Variants in SSBP2 observed in about 807,000 individuals in gnomAD.
The protein encoded by SSBP2 is single stranded DNA binding protein 2.
In SSBP2, 17 loss-of-function variants were observed where a neutral mutation model predicts 61.8. The observed-to-expected ratio is 0.28, with a 90% CI of 0.19 to 0.41. SSBP2 has a LOEUF of 0.41. Ranked by LOEUF, SSBP2 falls within the 10% of genes least tolerant of loss-of-function variation. The pLI is 1.00. For synonymous variants in SSBP2, 139 were observed against 141.3 expected, an observed-to-expected ratio of 0.98 and a Z score of 0.12; for missense variants, 310 against 458.7, an observed-to-expected ratio of 0.68 and a Z score of 2.96.
At chr5:81,560,993 C>T (rs1250512369) in intron 4 of SSBP2, among the ~76,000 whole-genome samples, 1 of 152,092 alleles carries the variant, frequency 6.6e-6, no homozygotes, top group Admixed American at 6.5e-5. Flanking sequence ...GTGCTCATGT[C>T]CTACTGCTGC....
At chr5:81,580,825 T>C (rs1774586686) in intron 4 of SSBP2, among the ~76,000 whole-genome samples, 1 of 152,068 alleles carries the variant, frequency 6.6e-6, no homozygotes, top group Non-Finnish European at 1.5e-5. Context: ...CAAATGCTGA[T>C]TTCAAAGTGC....
chr5:81,723,775 CAGACACGGTATAT>C (rs1046811694), intron 1 of SSBP2, among the ~76,000 whole-genome samples: 17 of 152,030 alleles, frequency 1.1e-4, no homozygotes, highest in African/African-American at 3.6e-4. Flanking sequence ...ACTGTTGGAC[CAGACACGGTATAT>C]ATCATTACCA....
chr5:81,662,911 T>C (rs1005859768), intron 1 of SSBP2, among the ~76,000 whole-genome samples: 3 of 152,190 alleles, frequency 2.0e-5, no homozygotes, highest in Admixed American at 2.0e-4. Context: ...ACAGGTATCA[T>C]CTAACAGTAC....
intron 10 of SSBP2, among the ~76,000 whole-genome samples, chr5:81,455,947 A>T (rs932530442): frequency 8.5e-5 from 13 of 152,168 alleles, no homozygotes; most frequent in African/African-American, 2.9e-4. Context: ...TAACTAGAGG[A>T]CTTTCATTTT....
At chr5:81,623,400 A>T (rs2153634079) in intron 3 of SSBP2, among the ~76,000 whole-genome samples, 1 of 142,550 alleles carries the variant, frequency 7.0e-6, no homozygotes, top group Admixed American at 7.6e-5. Context: ...CAGTGGCACG[A>T]TCTCAGCTCA....
chr5:81,504,439 T>C (rs868334192), intron 5 of SSBP2, among the ~76,000 whole-genome samples: 9 of 152,196 alleles, frequency 5.9e-5, no homozygotes, highest in Admixed American at 1.3e-4. Context: ...CAGCTGATGC[T>C]CTACTTTATC....
At position 81,725,305 on chromosome 5, in the gene SSBP2, T is replaced by A. The variant is rs565353585; in HGVS notation, c.62+25676A>T. Among the ~76,000 whole-genome samples, 3 of 152,064 alleles carry A rather than the reference T, an allele frequency of 2.0e-5. No homozygotes were observed. The East Asian group carries it at 5.8e-4, about 29-fold the overall frequency. ...CACTAATAATCAGAGAAATAAAAAT[T>A]TAAATAATATACCACTTTACAAATG... On this transcript the variant is annotated intron_variant, in intron 1 of 16. Transcript: ENST00000320672.
chr5:81,575,057 C>T (rs1416975017), intron 4 of SSBP2, among the ~76,000 whole-genome samples: 2 of 152,070 alleles, frequency 1.3e-5, no homozygotes, highest in Non-Finnish European at 2.9e-5. Context: ...ATCACGAGGT[C>T]GAGAGATCAA....
At chr5:81,712,926 C>A (rs1478726056) in intron 1 of SSBP2, among the ~76,000 whole-genome samples, 1 of 151,678 alleles carries the variant, frequency 6.6e-6, no homozygotes, top group Admixed American at 6.6e-5. Flanking sequence ...CGGAGTTTCA[C>A]CAGCTTGTAC....
intron 1 of SSBP2, among the ~76,000 whole-genome samples, chr5:81,685,872 A>G (rs930273956): frequency 1.4e-4 from 22 of 152,242 alleles, no homozygotes; most frequent in African/African-American, 4.6e-4. Flanking sequence ...TTTAGAAATA[A>G]TGCACAAAGA....
At chr5:81,524,772 C>T (rs752632111) in intron 4 of SSBP2, among the ~76,000 whole-genome samples, 1 of 151,932 alleles carries the variant, frequency 6.6e-6, no homozygotes, top group Non-Finnish European at 1.5e-5. Flanking sequence ...TTTTCCCTTC[C>T]ACAGTTAAGA....
At chr5:81,695,513 C>A (rs919443741) in intron 1 of SSBP2, among the ~76,000 whole-genome samples, 1 of 129,156 alleles carries the variant, frequency 7.7e-6, no homozygotes, top group African/African-American at 2.9e-5. Context: ...CCCCACCCCA[C>A]GACAGGCCCC....
intron 15 of SSBP2, among the ~76,000 whole-genome samples, chr5:81,435,261 A>C (rs768601624): frequency 7.2e-5 from 11 of 152,240 alleles, no homozygotes; most frequent in Admixed American, 1.3e-4. Flanking sequence ...TCTTGAGGGC[A>C]GAGAACATAT....
intron 1 of SSBP2, among the ~76,000 whole-genome samples, chr5:81,654,501 T>C (rs1043290159): frequency 2.6e-5 from 4 of 152,148 alleles, no homozygotes; most frequent in African/African-American, 2.4e-5. Context: ...TACCAAATCA[T>C]GTATTGGATT....
chr5:81,479,130 G>C (rs1765799280), intron 6 of SSBP2, among the ~76,000 whole-genome samples: 1 of 152,176 alleles, frequency 6.6e-6, no homozygotes, highest in South Asian at 2.1e-4. Context: ...TGACCAGATA[G>C]TAGCTTTGCG....
At chr5:81,596,901 A>G (rs1363774441) in intron 4 of SSBP2, among the ~76,000 whole-genome samples, 1 of 149,740 alleles carries the variant, frequency 6.7e-6, no homozygotes, top group African/African-American at 2.5e-5. Context: ...AGAAAACCTA[A>G]GCAATACCAT....
intron 4 of SSBP2, among the ~76,000 whole-genome samples, chr5:81,578,042 T>A (rs1223999471): frequency 6.6e-6 from 1 of 151,934 alleles, no homozygotes; most frequent in Non-Finnish European, 1.5e-5. Flanking sequence ...TTGCCCAAGA[T>A]CAGGAGCTTA....
chr5:81,520,265 G>A lies in SSBP2; in HGVS notation c.283-6548C>T, dbSNP rs563251043. On this transcript the variant is annotated intron_variant, in intron 4 of 16. Coordinates refer to ENST00000320672, the MANE Select transcript of SSBP2 (RefSeq NM_012446.5). ...CTCCCAAAGTGCTGGGATTATAGGCGTGAGCCACCACGCCTGGTCTATTTT... is the reference window on the plus strand; with the variant it reads ...CTCCCAAAGTGCTGGGATTATAGGCATGAGCCACCACGCCTGGTCTATTTT... 1.6e-4 allele frequency among the ~76,000 whole-genome samples: 24 copies of A among 152,130 alleles called. No homozygotes were observed. In the South Asian group the frequency reaches 4.6e-3, roughly 29 times the overall value.
At chr5:81,731,109 T>C (rs1756234663) in intron 1 of SSBP2, among the ~76,000 whole-genome samples, 1 of 152,214 alleles carries the variant, frequency 6.6e-6, no homozygotes, top group Non-Finnish European at 1.5e-5. Context: ...CTATAAATAC[T>C]GAAATGCGTG....
Sources: allele counts gnomAD v4.1 joint callset (sites outside exome capture counted in the v4.1 genomes callset), GRCh38; gene constraint gnomAD v4.1.1; transcripts MANE v1.5; gene names NCBI Gene and HGNC (gene_info 2026-07-23, HGNC 2026-07-21).